RCAN1: variants seen among roughly 807,000 people sequenced by gnomAD.
RCAN1 encodes the protein regulator of calcineurin 1.
In RCAN1, 11 loss-of-function variants were observed where a neutral mutation model predicts 22.9. That is an observed-to-expected ratio of 0.48 (90% CI 0.30 to 0.79). The LOEUF (loss-of-function observed/expected upper bound fraction) is 0.79, where lower values mean the gene tolerates loss of function less well. Ranked by LOEUF, RCAN1 falls within the 30% of genes least tolerant of loss-of-function variation. RCAN1 has a pLI of 0.06. For missense variants in RCAN1, 291 were observed against 337.8 expected (o/e 0.86, Z 1.09); for synonymous variants, 136 against 142.3 (o/e 0.96, Z 0.32).
At chr21:34,609,182 T>C (rs534160403) in intron 1 of RCAN1, among the ~76,000 whole-genome samples, 8 of 152,346 alleles carry the variant, frequency 5.3e-5, no homozygotes, top group East Asian at 1.9e-4. Context: ...AGAAGAGACA[T>C]TTTTACTTTC....
At chr21:34,572,598 G>A (rs1399331616) in intron 1 of RCAN1, among the ~76,000 whole-genome samples, 2 of 152,162 alleles carry the variant, frequency 1.3e-5, no homozygotes, top group African/African-American at 4.8e-5. Context: ...AAACCACTGA[G>A]CTTGACCATC....
At chr21:34,593,378 C>T (rs1015886141) in intron 1 of RCAN1, among the ~76,000 whole-genome samples, 1 of 152,244 alleles carries the variant, frequency 6.6e-6, no homozygotes, top group Non-Finnish European at 1.5e-5. Flanking sequence ...AAGGCTCATC[C>T]TCCTCCAACC....
At chr21:34,553,486 T>C (rs1178953218) in intron 1 of RCAN1, among the ~76,000 whole-genome samples, 1 of 152,224 alleles carries the variant, frequency 6.6e-6, no homozygotes. Context: ...TTCTGACTAA[T>C]TCATTCCATA....
At chr21:34,578,132 G>A (rs35318727) in intron 1 of RCAN1, among the ~76,000 whole-genome samples, 4 of 104,808 alleles carry the variant, frequency 3.8e-5, no homozygotes, top group Admixed American at 3.8e-4. Context: ...CAGCATGAAG[G>A]CCACATGCAA....
At chr21:34,525,022 G>A in intron 1 of RCAN1, 1 of 1,539,426 alleles carries the variant, frequency 6.5e-7, no homozygotes, top group Non-Finnish European at 8.8e-7. Flanking sequence ...AGAAGGGGCT[G>A]GCCAGGAAGA....
intron 1 of RCAN1, among the ~76,000 whole-genome samples, chr21:34,533,619 C>T (rs1345177180): frequency 8.5e-5 from 13 of 152,148 alleles, no homozygotes; most frequent in African/African-American, 2.9e-4. Flanking sequence ...CAAAACTCCC[C>T]GCCCTCTTGG....
At chr21:34,524,829 T>C (rs576200662) in intron 1 of RCAN1, among the ~76,000 whole-genome samples, 1 of 152,200 alleles carries the variant, frequency 6.6e-6, no homozygotes, top group South Asian at 2.1e-4. Flanking sequence ...CTAGGCTGGG[T>C]CCTGGAGTGT....
intron 1 of RCAN1, among the ~76,000 whole-genome samples, chr21:34,550,660 A>G (rs774367104): frequency 1.3e-5 from 2 of 152,196 alleles, no homozygotes; most frequent in Non-Finnish European, 2.9e-5. Flanking sequence ...TAAGCCACCC[A>G]GTCTGTAGTA....
At chr21:34,613,588 G>T (rs1347830965) in intron 1 of RCAN1, among the ~76,000 whole-genome samples, 1 of 152,196 alleles carries the variant, frequency 6.6e-6, no homozygotes. Context: ...AACTCCTAAG[G>T]AAAAGGTCTG....
chr21:34,546,862 G>A (rs1986164979), intron 1 of RCAN1, among the ~76,000 whole-genome samples: 2 of 152,180 alleles, frequency 1.3e-5, no homozygotes, highest in Admixed American at 1.3e-4. Flanking sequence ...TAAGTAGCTT[G>A]ACCCATTATT....
Position 34,614,785 on chromosome 21 carries a change from C to T in RCAN1, c.227G>A (p.Arg76His). 1 of 1,468,956 alleles carries T rather than the reference C, an allele frequency of 6.8e-7. No homozygotes were observed. The highest frequency in any genetic ancestry group is 9.0e-7 in the Non-Finnish European group (1 of 1,107,048). The allele number at this position is 1,468,956 out of a possible 1,614,324, so 91.0% of individuals were successfully genotyped here. A position where few individuals can be genotyped will look rare whatever the true frequency, so the allele number is the denominator to read the frequency against. Residue 76 changes from arginine (R) to histidine (H), a missense_variant, in exon 1 of 4, where the codon CGC (arginine) becomes CAC (histidine). Physicochemically the swap from Arg to His is conservative, Grantham distance 29. Coordinates refer to ENST00000313806, the MANE Select transcript of RCAN1 (RefSeq NM_004414.7). The surrounding 1 kb of genome is among the most constrained non-coding windows in gnomAD (Gnocchi z 6.0). ...SATIACHLDPRVFVDGLCRAK... is the reference protein window; with the variant it reads ...SATIACHLDPHVFVDGLCRAK... ...CCGGCACAGGCCGTCCACGAACACG[C>T]GCGGGTCCAGGTGACAGGCGATGGT...
At position 34,559,441 on chromosome 21, in the gene RCAN1, ATAAAGAACTCATTTGTAAGG is replaced by A. The variant is rs1160831302; in HGVS notation, c.253-35751_253-35732del. 4 of 152,320 alleles carry A rather than the reference ATAAAGAACTCATTTGTAAGG, an allele frequency of 2.6e-5. No individual in the cohort carries two copies. In the East Asian group the frequency reaches 7.7e-4, roughly 29 times the overall value. 9.4% of individuals were successfully genotyped at this position (152,320 alleles called of 1,614,324 possible). ...TTAACTTTCGTAGGCAAGGAAGAAG[ATAAAGAACTCATTTGTAAGG>A]TATACAAATGCCCTGCTGGTAATGG... On this transcript the variant is annotated intron_variant, in intron 1 of 3. Transcript: ENST00000313806.
chr21:34,589,809 G>C (rs541689076), intron 1 of RCAN1, among the ~76,000 whole-genome samples: 1 of 152,252 alleles, frequency 6.6e-6, no homozygotes, highest in South Asian at 2.1e-4. Flanking sequence ...ACCAGCTGCC[G>C]TGGTTCTCAG....
intron 1 of RCAN1, among the ~76,000 whole-genome samples, chr21:34,568,228 G>A (rs551029691): frequency 1.3e-5 from 2 of 152,102 alleles, no homozygotes; most frequent in African/African-American, 4.8e-5. Context: ...CCCTACAATC[G>A]GAATTCAGCC....
At chr21:34,560,066 CT>C (rs1322555598) in intron 1 of RCAN1, 2 of 152,218 alleles carry the variant, frequency 1.3e-5, no homozygotes, top group Admixed American at 1.3e-4. Context: ...AAAAACCTTT[CT>C]CCCCCCAACA....
At chr21:34,557,916 G>A (rs992949056) in intron 1 of RCAN1, among the ~76,000 whole-genome samples, 9 of 152,096 alleles carry the variant, frequency 5.9e-5, no homozygotes, top group Non-Finnish European at 1.2e-4. Flanking sequence ...TTTTTTATAG[G>A]TGAGGAACTA....
intron 1 of RCAN1, among the ~76,000 whole-genome samples, chr21:34,602,582 GAGATCTAC>G (rs1192189839): frequency 6.6e-6 from 1 of 151,564 alleles, no homozygotes; most frequent in African/African-American, 2.4e-5. Flanking sequence ...CAGACCACCT[GAGATCTAC>G]AGGTTGGGAT....
chr21:34,535,146 A>C (rs1260276909), intron 1 of RCAN1, among the ~76,000 whole-genome samples: 1 of 152,248 alleles, frequency 6.6e-6, no homozygotes, highest in African/African-American at 2.4e-5. Context: ...TTCATAATCC[A>C]AAACACTTGG....
intron 1 of RCAN1, chr21:34,525,534 GTT>G (rs1184263366): frequency 1.6e-6 from 1 of 606,416 alleles, no homozygotes; most frequent in African/African-American, 1.9e-5. Flanking sequence ...GTGACCCACT[GTT>G]TAGTTTTGAA....
Sources: allele counts gnomAD v4.1 joint callset (sites outside exome capture counted in the v4.1 genomes callset), GRCh38; gene constraint gnomAD v4.1.1; non-coding constraint Gnocchi (gnomAD v3.1); transcripts MANE v1.5; gene names NCBI Gene and HGNC (gene_info 2026-07-23, HGNC 2026-07-21).